Variants in C4BPA observed in about 807,000 individuals in gnomAD.
The protein encoded by C4BPA is C4b-binding protein alpha chain.
C4BPA carries 31 observed loss-of-function variants against 63.7 expected under a neutral mutation model. That is an observed-to-expected ratio of 0.49 (90% CI 0.37 to 0.66). C4BPA has a LOEUF of 0.66. Ranked by LOEUF, C4BPA falls within the 30% of genes least tolerant of loss-of-function variation. The probability of loss-of-function intolerance (pLI) is 0.00; values close to 1 mark genes in which losing one functional copy is unlikely to be tolerated. For missense variants in C4BPA, 572 were observed against 723.3 expected (o/e 0.79, Z 2.40); for synonymous variants, 259 against 254.7 (o/e 1.02, Z -0.16).
At chr1:207,134,158 G>A (rs1428161505) in intron 8 of C4BPA, among the ~76,000 whole-genome samples, 4 of 152,156 alleles carry the variant, frequency 2.6e-5, no homozygotes, top group African/African-American at 9.7e-5. Context: ...CTTCATATAA[G>A]TTTAATCCAA....
chr1:207,111,109 G>A (rs149349784), intron 1 of C4BPA, among the ~76,000 whole-genome samples: 17 of 152,342 alleles, frequency 1.1e-4, no homozygotes, highest in Non-Finnish European at 2.1e-4. Flanking sequence ...CAGATGATGA[G>A]TGAGGTGGTT....
At chr1:207,130,705 T>A (rs1393068886) in intron 7 of C4BPA, among the ~76,000 whole-genome samples, 2 of 152,196 alleles carry the variant, frequency 1.3e-5, no homozygotes, top group East Asian at 3.8e-4. Flanking sequence ...TCACAAAAAG[T>A]ACATGTATTG....
At chr1:207,134,949 TC>T (rs1219980357) in intron 9 of C4BPA, among the ~76,000 whole-genome samples, 1 of 152,216 alleles carries the variant, frequency 6.6e-6, no homozygotes, top group East Asian at 1.9e-4. Flanking sequence ...TGAACTTGTT[TC>T]CTTCTTCTTC....
chr1:207,108,647 A>G (rs1287828475), intron 1 of C4BPA, among the ~76,000 whole-genome samples: 1 of 152,220 alleles, frequency 6.6e-6, no homozygotes, highest in African/African-American at 2.4e-5. Context: ...AATTATTAAC[A>G]ATTGAATTTA....
At chr1:207,110,124 GGCAGACTTC>G (rs1684635736) in intron 1 of C4BPA, among the ~76,000 whole-genome samples, 1 of 152,192 alleles carries the variant, frequency 6.6e-6, no homozygotes, top group Admixed American at 6.5e-5. Context: ...TAGTGGTGAA[GGCAGACTTC>G]AGATGTGAGT....
intron 6 of C4BPA, among the ~76,000 whole-genome samples, chr1:207,125,651 T>C (rs1685024455): frequency 1.3e-5 from 2 of 152,138 alleles, no homozygotes; most frequent in Non-Finnish European, 2.9e-5. Flanking sequence ...GAAGGCACCA[T>C]CTTGAAAGGG....
At chr1:207,131,462 C>T (rs1226178746) in intron 7 of C4BPA, 84 bp from the exon 8 acceptor site, 5 of 938,778 alleles carry the variant, frequency 5.3e-6, no homozygotes, top group Admixed American at 2.4e-5. Context: ...GTATGACCCC[C>T]TTTGATAGGA....
At chr1:207,116,625 G>A (rs1477352216) in intron 4 of C4BPA, among the ~76,000 whole-genome samples, 1 of 145,460 alleles carries the variant, frequency 6.9e-6, no homozygotes, top group African/African-American at 2.5e-5. Flanking sequence ...TATTTATGTT[G>A]TTAAATTCAT....
At chr1:207,118,204 CT>C (rs1385133848) in intron 4 of C4BPA, among the ~76,000 whole-genome samples, 57 of 134,776 alleles carry the variant, frequency 4.2e-4, no homozygotes, top group African/African-American at 1.1e-3. Context: ...ATCTATCTAT[CT>C]ATCATCTGTC....
intron 2 of C4BPA, 114 bp downstream of exon 2, chr1:207,113,281 T>C: frequency 8.6e-7 from 1 of 1,166,480 alleles, no homozygotes; most frequent in Non-Finnish European, 1.2e-6. Context: ...CCCAGCTTCA[T>C]CAACAAGTGG....
chr1:207,105,983 C>G (rs183841900), intron 1 of C4BPA, among the ~76,000 whole-genome samples: 2 of 152,288 alleles, frequency 1.3e-5, no homozygotes, highest in African/African-American at 4.8e-5. Context: ...TTTCAGTGAG[C>G]AGTTACAGAA....
Position 207,144,819 on chromosome 1 carries a change from C to G in C4BPA, c.*102C>G, listed in dbSNP as rs1685498622. ...CTACTGTCAATTTGGCAGTGATATT[C>G]ATCATAATAAATATCTAGAAATGAT... is the stretch of plus-strand genomic sequence containing the variant. On this transcript the variant is annotated 3_prime_UTR_variant, in exon 12 of 12. Transcript: ENST00000367070. 1 of 605,984 alleles carries G rather than the reference C, an allele frequency of 1.7e-6. No homozygotes were observed. The highest frequency in any genetic ancestry group is 2.6e-6 in the Non-Finnish European group (1 of 381,020). 37.5% of individuals were successfully genotyped at this position (605,984 alleles called of 1,614,324 possible). A position where few individuals can be genotyped will look rare whatever the true frequency, so the allele number is the denominator to read the frequency against.
chr1:207,144,788 G>T lies in C4BPA; in HGVS notation c.*71G>T. 1 of 950,248 alleles carries T rather than the reference G, an allele frequency of 1.1e-6. No individual in the cohort carries two copies. Among genetic ancestry groups the T allele is most frequent in the Non-Finnish European group, 1.5e-6 (1 of 672,810 alleles). 58.9% of individuals were successfully genotyped at this position (950,248 alleles called of 1,614,324 possible). ...TTGCAATTCAATACAGATCAGTTTAGCAAATCTACTGTCAATTTGGCAGTG... is the reference window on the plus strand; with the variant it reads ...TTGCAATTCAATACAGATCAGTTTATCAAATCTACTGTCAATTTGGCAGTG... On this transcript the variant is annotated 3_prime_UTR_variant, in exon 12 of 12. Coordinates refer to ENST00000367070, the MANE Select transcript of C4BPA (RefSeq NM_000715.4).
At chr1:207,112,463 T>C (rs896940871) in intron 1 of C4BPA, among the ~76,000 whole-genome samples, 8 of 151,990 alleles carry the variant, frequency 5.3e-5, no homozygotes, top group African/African-American at 1.9e-4. Context: ...GTTTCTTTCC[T>C]CTAATCCCTT....
chr1:207,143,928 G>T lies in C4BPA; in HGVS notation c.1555G>T (p.Gly519Cys), dbSNP rs1265836539. Reference protein sequence around the residue: ...IQCDSGYGVVGPQSITCSGNR... With the variant: ...IQCDSGYGVVCPQSITCSGNR... ...ATGTGATTCTGGCTATGGTGTGGTT[G>T]GTCCCCAAAGTATCACTTGCTCTGG... Residue 519 changes from glycine to cysteine, a missense_variant, in exon 11 of 12, where the codon GGT becomes TGT. By Grantham distance (159) the Gly-to-Cys change is radical. Around this residue, in one of 2 missense-constraint regions of C4BPA, gnomAD observed 465 missense variants for 629.4 expected, o/e 0.74. Coordinates refer to ENST00000367070, the MANE Select transcript of C4BPA (RefSeq NM_000715.4). The T allele has an allele frequency of 6.2e-7, 1 of 1,611,248 alleles. No homozygotes were observed. The highest frequency in any genetic ancestry group is 8.5e-7 in the Non-Finnish European group (1 of 1,178,812).
chr1:207,124,524 T>C (rs1441311081), intron 6 of C4BPA, among the ~76,000 whole-genome samples, 158 bp downstream of exon 6: 1 of 152,178 alleles, frequency 6.6e-6, no homozygotes, highest in Non-Finnish European at 1.5e-5. Context: ...ACTTATTGCA[T>C]GTTTGTTTAG....
chr1:207,124,409 T>TTTG, intron 6 of C4BPA, 43 bp downstream of exon 6: 1 of 1,475,914 alleles, frequency 6.8e-7, no homozygotes, highest in Non-Finnish European at 9.3e-7. Context: ...GTTTGCTCTC[T>TTTG]TTTGTTTAAA....
chr1:207,141,869 T>C (rs1685422538), intron 10 of C4BPA, among the ~76,000 whole-genome samples: 1 of 152,160 alleles, frequency 6.6e-6, no homozygotes, highest in East Asian at 1.9e-4. Flanking sequence ...AACTTCAGTA[T>C]TTATTTGCCA....
intron 1 of C4BPA, among the ~76,000 whole-genome samples, chr1:207,109,904 C>T (rs1684630632): frequency 6.6e-6 from 1 of 152,216 alleles, no homozygotes; most frequent in South Asian, 2.1e-4. Context: ...CAGGTAAAAT[C>T]AGTCCTTAAC....
Sources: allele counts gnomAD v4.1 joint callset (sites outside exome capture counted in the v4.1 genomes callset), GRCh38; gene constraint gnomAD v4.1.1; regional missense constraint gnomAD v4.1.1; transcripts MANE v1.5; gene names NCBI Gene and HGNC (gene_info 2026-07-23, HGNC 2026-07-21).